The following ZPBP variants were observed in gnomAD, a reference collection of about 807,000 sequenced individuals.
The protein encoded by ZPBP is zona pellucida-binding protein 1.
Under a neutral mutation model 44.8 loss-of-function variants are expected in ZPBP, and 26 were observed. The observed-to-expected ratio is 0.58, with a 90% confidence interval of 0.43 to 0.81. The LOEUF is 0.81. Among genes scored for constraint, ZPBP ranks in the 30% least tolerant of loss-of-function variants. The pLI is 0.00. For synonymous variants in ZPBP, 174 were observed against 153.2 expected, an observed-to-expected ratio of 1.14 and a Z score of -1.00; for missense variants, 409 against 434.0, an observed-to-expected ratio of 0.94 and a Z score of 0.51.
At chr7:49,861,609 G>A (rs1790655664) in intron 2 of ZPBP, among the ~76,000 whole-genome samples, 1 of 152,172 alleles carries the variant, frequency 6.6e-6, no homozygotes, top group Non-Finnish European at 1.5e-5. Flanking sequence ...TTTCTTTTAA[G>A]AGTTTTATGA....
chr7:50,085,819 C>T (rs1216397206), intron 2 of ZPBP, among the ~76,000 whole-genome samples: 1 of 152,100 alleles, frequency 6.6e-6, no homozygotes, highest in Non-Finnish European at 1.5e-5. Context: ...TCCACAGGAA[C>T]TTTGACTTGT....
intron 2 of ZPBP, among the ~76,000 whole-genome samples, chr7:49,881,000 A>G (rs1012785079): frequency 5.2e-4 from 79 of 152,132 alleles, no homozygotes; most frequent in Admixed American, 1.4e-3. Context: ...CCTTTGTACA[A>G]TAAGTGATTT....
chr7:49,864,612 G>A (rs149884746), intron 2 of ZPBP, among the ~76,000 whole-genome samples: 60 of 152,240 alleles, frequency 3.9e-4, no homozygotes, highest in African/African-American at 1.3e-3. Context: ...CGGTGTTTTC[G>A]AGCATCATCT....
chr7:50,049,401 A>G (rs1365391102), intron 4 of ZPBP, among the ~76,000 whole-genome samples: 1 of 152,080 alleles, frequency 6.6e-6, no homozygotes, highest in Non-Finnish European at 1.5e-5. Flanking sequence ...AAATGCAAAA[A>G]TTCCCAATAA....
At chr7:50,090,782 G>A (rs1002305188) in intron 1 of ZPBP, among the ~76,000 whole-genome samples, 1 of 151,974 alleles carries the variant, frequency 6.6e-6, no homozygotes, top group Non-Finnish European at 1.5e-5. Flanking sequence ...ACGTGTGTGT[G>A]CAAGTACCTT....
chr7:49,994,805 GC>G (rs371694807), intron 6 of ZPBP, among the ~76,000 whole-genome samples: 5 of 152,156 alleles, frequency 3.3e-5, no homozygotes, highest in African/African-American at 1.2e-4. Context: ...TGGCACATAA[GC>G]TTGTACAACA....
chr7:49,898,063 T>C (rs984437407), intron 2 of ZPBP, among the ~76,000 whole-genome samples: 1 of 152,172 alleles, frequency 6.6e-6, no homozygotes. Flanking sequence ...AATACTCAAC[T>C]TTAGCCCACT....
chr7:50,005,311 T>G (rs1264217497), intron 6 of ZPBP, among the ~76,000 whole-genome samples: 1 of 151,966 alleles, frequency 6.6e-6, no homozygotes, highest in Non-Finnish European at 1.5e-5. Flanking sequence ...CAAAGTCTTA[T>G]AAAAATATAA....
intron 2 of ZPBP, among the ~76,000 whole-genome samples, chr7:49,851,125 C>T (rs866981968): frequency 1.1e-4 from 17 of 152,274 alleles, no homozygotes; most frequent in Middle Eastern, 6.8e-3. Flanking sequence ...AGTGGCTGCC[C>T]GCCACCCTGG....
intron 4 of ZPBP, among the ~76,000 whole-genome samples, chr7:50,035,901 G>C (rs1285471242): frequency 1.3e-5 from 2 of 151,872 alleles, no homozygotes. Context: ...AAAACAAGTG[G>C]GGATTATAAA....
At chr7:49,953,394 A>G (rs1227312003) in intron 7 of ZPBP, among the ~76,000 whole-genome samples, 1 of 152,140 alleles carries the variant, frequency 6.6e-6, no homozygotes, top group African/African-American at 2.4e-5. Flanking sequence ...CCTGGCAGTC[A>G]CTCAGGATAA....
At chr7:49,891,213 AACAG>A (rs1435412562) in intron 2 of ZPBP, among the ~76,000 whole-genome samples, 7 of 152,246 alleles carry the variant, frequency 4.6e-5, no homozygotes, top group Admixed American at 1.3e-4. Flanking sequence ...CAGTTAGCAG[AACAG>A]ACAAAGTAGA....
At chr7:49,896,253 A>C (rs559838462) in intron 2 of ZPBP, among the ~76,000 whole-genome samples, 4 of 152,296 alleles carry the variant, frequency 2.6e-5, no homozygotes, top group Non-Finnish European at 5.9e-5. Context: ...AGGCACAAGA[A>C]TCGCTTGAAC....
chr7:49,980,062 T>C (rs1583964492), intron 7 of ZPBP, among the ~76,000 whole-genome samples: 1 of 87,694 alleles, frequency 1.1e-5, no homozygotes, highest in African/African-American at 4.7e-5. Flanking sequence ...TAATTTTATA[T>C]TATATTATAA....
chr7:49,862,133 TTG>T (rs1247487235), intron 2 of ZPBP, among the ~76,000 whole-genome samples: 2 of 152,340 alleles, frequency 1.3e-5, no homozygotes, highest in African/African-American at 2.4e-5. Context: ...TTTCATTTAT[TTG>T]TGTTTTCTTT....
chr7:50,092,122 T>C (rs1003338166), intron 1 of ZPBP, among the ~76,000 whole-genome samples: 15 of 152,346 alleles, frequency 9.8e-5, no homozygotes, highest in African/African-American at 3.4e-4. Context: ...TCTAATCTTA[T>C]TATTTCATCA....
At chr7:49,908,243 G>T (rs1793212210) in intron 1 of ZPBP, among the ~76,000 whole-genome samples, 1 of 152,128 alleles carries the variant, frequency 6.6e-6, no homozygotes, top group Non-Finnish European at 1.5e-5. Context: ...ATTCCAAAAG[G>T]AGGAGGTTAT....
chr7:50,050,717 A>AT (rs1800645236), intron 4 of ZPBP, among the ~76,000 whole-genome samples: 1 of 143,852 alleles, frequency 7.0e-6, no homozygotes, highest in Admixed American at 7.2e-5. Flanking sequence ...CTTATACCTT[A>AT]TTAAAAACTT....
intron 7 of ZPBP, among the ~76,000 whole-genome samples, chr7:49,939,624 C>T (rs1015511557): frequency 6.6e-6 from 1 of 151,842 alleles, no homozygotes; most frequent in Non-Finnish European, 1.5e-5. Context: ...GAAATAATTT[C>T]TTAAAAAGGA....
Sources: allele counts gnomAD v4.1 joint callset (sites outside exome capture counted in the v4.1 genomes callset), GRCh38; gene constraint gnomAD v4.1.1; transcripts MANE v1.5; gene names NCBI Gene and HGNC (gene_info 2026-07-23, HGNC 2026-07-21).